Variants in HPSE2 observed in about 807,000 individuals in gnomAD.
The protein encoded by HPSE2 is heparanase 2 (inactive).
A neutral mutation model predicts 60.5 loss-of-function variants in HPSE2; 38 were observed. The observed-to-expected ratio is 0.63, with a 90% CI of 0.48 to 0.82. The LOEUF (loss-of-function observed/expected upper bound fraction) is 0.82. Ranked by LOEUF, HPSE2 falls within the 40% of genes least tolerant of loss-of-function variation. HPSE2 has a pLI of 0.00. For synonymous variants in HPSE2, 295 were observed against 293.2 expected (o/e 1.01, Z -0.06); for missense variants, 713 against 740.4 (o/e 0.96, Z 0.43).
intron 3 of HPSE2, among the ~76,000 whole-genome samples, chr10:99,044,772 G>T (rs771618804): frequency 1.3e-5 from 2 of 152,042 alleles, no homozygotes; most frequent in Non-Finnish European, 2.9e-5. Context: ...GGCAAAGAAG[G>T]GCATTACATA....
chr10:98,856,518 A>G (rs983497463), intron 3 of HPSE2, among the ~76,000 whole-genome samples: 7 of 152,096 alleles, frequency 4.6e-5, no homozygotes, highest in African/African-American at 1.7e-4. Flanking sequence ...GAAAGAAACA[A>G]AGGTAAGAAT....
rs1380523102 is a variant in HPSE2 at position 98,965,397 on chromosome 10, A to G, written c.610+178841T>C. The stretch of plus-strand genomic sequence containing the variant: ...CAAATTCTTTAGAATATAAGGATAA[A>G]TAAGGATGTTTTCAAATAGTTGGGG... On this transcript the variant is annotated intron_variant, in intron 3 of 11. Coordinates refer to ENST00000370552, the MANE Select transcript of HPSE2 (RefSeq NM_021828.5). Among the ~76,000 whole-genome samples, 8 of 151,572 alleles carry G rather than the reference A, an allele frequency of 5.3e-5. No homozygotes were observed. In the South Asian group the frequency reaches 1.5e-3, roughly 28 times the overall value.
intron 3 of HPSE2, among the ~76,000 whole-genome samples, chr10:99,110,776 C>A (rs761999267): frequency 1.3e-5 from 2 of 152,084 alleles, no homozygotes; most frequent in African/African-American, 2.4e-5. Context: ...AAATTATTCT[C>A]CTGCCTTTGT....
intron 3 of HPSE2, among the ~76,000 whole-genome samples, chr10:99,127,171 T>C (rs1406562190): frequency 6.6e-6 from 1 of 152,082 alleles, no homozygotes; most frequent in East Asian, 1.9e-4. Context: ...TGATAAGCAA[T>C]TCAGGGGATT....
chr10:99,153,083 C>T (rs1426253486), intron 2 of HPSE2, among the ~76,000 whole-genome samples: 1 of 152,262 alleles, frequency 6.6e-6, no homozygotes, highest in Non-Finnish European at 1.5e-5. Flanking sequence ...ATATCCCGCA[C>T]ATGGCTCGGA....
At chr10:98,493,653 A>G (rs1319112884) in intron 9 of HPSE2, among the ~76,000 whole-genome samples, 9 of 152,120 alleles carry the variant, frequency 5.9e-5, no homozygotes, top group African/African-American at 2.2e-4. Flanking sequence ...ATATTTTTCC[A>G]TCCTTTCAAT....
chr10:98,797,636 G>A (rs771083643), intron 3 of HPSE2, among the ~76,000 whole-genome samples: 16 of 152,084 alleles, frequency 1.1e-4, no homozygotes, highest in East Asian at 1.9e-4. Context: ...GAGATCAGGC[G>A]ATCAAGACCA....
chr10:98,911,614 G>C (rs1036841511), intron 3 of HPSE2, among the ~76,000 whole-genome samples: 1 of 152,152 alleles, frequency 6.6e-6, no homozygotes, highest in African/African-American at 2.4e-5. Flanking sequence ...AAATGGGCAG[G>C]AGAGTAATCA....
intron 6 of HPSE2, among the ~76,000 whole-genome samples, chr10:98,649,501 A>G (rs1373172103): frequency 5.9e-5 from 9 of 152,212 alleles, no homozygotes; most frequent in Non-Finnish European, 1.0e-4. Context: ...CCAACAATAC[A>G]GCACCATGCT....
At chr10:98,586,506 A>G (rs571791506) in intron 9 of HPSE2, among the ~76,000 whole-genome samples, 1 of 152,348 alleles carries the variant, frequency 6.6e-6, no homozygotes, top group East Asian at 1.9e-4. Context: ...GGGAAACTTA[A>G]TATCAAATTA....
intron 4 of HPSE2, among the ~76,000 whole-genome samples, chr10:98,729,887 G>C (rs1183448306): frequency 2.0e-5 from 3 of 151,772 alleles, no homozygotes; most frequent in Admixed American, 1.3e-4. Context: ...GAAAATTCAA[G>C]AACAATTGAA....
intron 6 of HPSE2, among the ~76,000 whole-genome samples, chr10:98,648,592 C>T (rs1946837085): frequency 6.6e-6 from 1 of 151,866 alleles, no homozygotes; most frequent in African/African-American, 2.4e-5. Flanking sequence ...CCAGCTTGGG[C>T]AACATAGCGA....
rs143885408 is a variant in HPSE2 at position 98,778,264 on chromosome 10, CAGAGAG to C, written c.611-34214_611-34209del. On this transcript the variant is annotated intron_variant, in intron 3 of 11. Transcript: ENST00000370552. The stretch of plus-strand genomic sequence containing the variant: ...TGCAGGATGCTCAGTGAGAGAGAGA[CAGAGAG>C]AGAGAGAGAGAGAGAGAGAGAGAGA... 7.7e-4 allele frequency among the ~76,000 whole-genome samples: 87 copies of C among 112,732 alleles called. 3 individuals carry two copies. Among genetic ancestry groups the C allele is most frequent in the Admixed American group, 3.1e-3 (33 of 10,686 alleles). 74.0% of individuals were successfully genotyped at this position (112,732 alleles called of 152,430 possible). A position where few individuals can be genotyped will look rare whatever the true frequency, so the allele number is the denominator to read the frequency against.
intron 3 of HPSE2, among the ~76,000 whole-genome samples, chr10:99,088,482 A>G (rs1457918489): frequency 6.6e-6 from 1 of 152,120 alleles, no homozygotes; most frequent in Admixed American, 6.5e-5. Flanking sequence ...TAGTTACTTC[A>G]CTTAGAATAA....
At chr10:98,807,756 T>A (rs1359775788) in intron 3 of HPSE2, among the ~76,000 whole-genome samples, 1 of 152,154 alleles carries the variant, frequency 6.6e-6, no homozygotes, top group African/African-American at 2.4e-5. Flanking sequence ...TAATAAAGAG[T>A]TCCTTATATC....
At chr10:98,723,976 T>C (rs11189775) in intron 4 of HPSE2, among the ~76,000 whole-genome samples, 21,610 of 152,080 alleles carry the variant, frequency 0.14, 1,915 homozygotes, top group Admixed American at 0.23. Flanking sequence ...CAGTTCTGCT[T>C]TGATCTTAGT....
chr10:99,310,547 GA>G, the HPSE2 span, among the ~76,000 whole-genome samples: 19 of 151,956 alleles, frequency 1.3e-4, no homozygotes, highest in Non-Finnish European at 2.2e-4. Flanking sequence ...TATTTTTAAA[GA>G]AAATTGTTAT....
intron 8 of HPSE2, among the ~76,000 whole-genome samples, chr10:98,619,844 C>T (rs529841636): frequency 6.6e-6 from 1 of 152,302 alleles, no homozygotes; most frequent in South Asian, 2.1e-4. Flanking sequence ...CATTCCTTTG[C>T]ATGTCTGTCA....
At chr10:98,809,232 G>A (rs1022096699) in intron 3 of HPSE2, among the ~76,000 whole-genome samples, 1 of 152,114 alleles carries the variant, frequency 6.6e-6, no homozygotes, top group Non-Finnish European at 1.5e-5. Context: ...TAGAATAAGG[G>A]TAAGTGTATT....
Sources: allele counts gnomAD v4.1 joint callset (sites outside exome capture counted in the v4.1 genomes callset), GRCh38; gene constraint gnomAD v4.1.1; transcripts MANE v1.5; gene names NCBI Gene and HGNC (gene_info 2026-07-23, HGNC 2026-07-21).